Variants in MCTP1 observed in about 807,000 individuals in gnomAD.
The protein encoded by MCTP1 is multiple C2 and transmembrane domain-containing protein 1.
MCTP1 carries 69 observed loss-of-function variants against 120.6 expected under a neutral mutation model. The ratio of observed to expected loss-of-function variants is 0.57; its 90% CI spans 0.47 to 0.70. MCTP1 has a LOEUF of 0.70. Among genes scored for constraint, MCTP1 ranks in the 30% least tolerant of loss-of-function variants. The pLI is 0.00. For synonymous variants in MCTP1, 529 were observed against 493.1 expected, an observed-to-expected ratio of 1.07 and a Z score of -0.96; for missense variants, 1,203 against 1,248.8, an observed-to-expected ratio of 0.96 and a Z score of 0.55.
At chr5:95,225,399 C>T (rs1181978011) in intron 1 of MCTP1, among the ~76,000 whole-genome samples, 2 of 152,116 alleles carry the variant, frequency 1.3e-5, no homozygotes, top group Non-Finnish European at 2.9e-5. Flanking sequence ...TCTCCCAACT[C>T]CAGACAGTAA....
At chr5:95,173,674 A>G (rs1747620468) in intron 1 of MCTP1, among the ~76,000 whole-genome samples, 1 of 152,182 alleles carries the variant, frequency 6.6e-6, no homozygotes, top group East Asian at 1.9e-4. Flanking sequence ...TAGGCAGAAA[A>G]TTTAATCAGT....
At chr5:94,988,973 A>G (rs1830979830) in intron 2 of MCTP1, among the ~76,000 whole-genome samples, 1 of 152,156 alleles carries the variant, frequency 6.6e-6, no homozygotes, top group African/African-American at 2.4e-5. Context: ...CCATGATTCA[A>G]CTATCTCCAC....
intron 17 of MCTP1, among the ~76,000 whole-genome samples, chr5:94,819,099 ATTTATTT>A (rs1180865141): frequency 7.6e-6 from 1 of 130,946 alleles, no homozygotes; most frequent in Non-Finnish European, 1.7e-5. Context: ...TTATTTATTT[ATTTATTT>A]ATTTATTTAT....
intron 8 of MCTP1, among the ~76,000 whole-genome samples, chr5:94,915,919 T>C (rs1172770152): frequency 2.0e-5 from 3 of 152,102 alleles, no homozygotes; most frequent in Admixed American, 6.5e-5. Flanking sequence ...CCAAAACAAC[T>C]TGGGGAGCTA....
chr5:94,731,384 T>A (rs926612382), intron 19 of MCTP1, among the ~76,000 whole-genome samples: 1 of 152,222 alleles, frequency 6.6e-6, no homozygotes, highest in African/African-American at 2.4e-5. Context: ...GTCCTGAATT[T>A]TTTAAGTGTT....
chr5:95,105,558 C>A (rs538111268), intron 1 of MCTP1, among the ~76,000 whole-genome samples: 1 of 152,004 alleles, frequency 6.6e-6, no homozygotes, highest in Non-Finnish European at 1.5e-5. Context: ...CCCCTAGGGA[C>A]TTGGGCTTGG....
chr5:94,773,740 A>T (rs1774625828), intron 19 of MCTP1, among the ~76,000 whole-genome samples: 1 of 151,736 alleles, frequency 6.6e-6, no homozygotes, highest in Non-Finnish European at 1.5e-5. Context: ...GTGCAGGGGA[A>T]CTCCCCTTTA....
intron 17 of MCTP1, among the ~76,000 whole-genome samples, chr5:94,862,058 A>C (rs1795917390): frequency 6.6e-6 from 1 of 151,788 alleles, no homozygotes; most frequent in Admixed American, 6.6e-5. Flanking sequence ...GATATTTGTA[A>C]TTTTTTGACT....
intron 1 of MCTP1, among the ~76,000 whole-genome samples, chr5:95,214,148 G>T (rs1752751298): frequency 6.6e-6 from 1 of 152,368 alleles, no homozygotes; most frequent in South Asian, 2.1e-4. Context: ...AATCTACAAA[G>T]AACTCAAACA....
intron 2 of MCTP1, among the ~76,000 whole-genome samples, chr5:94,962,847 G>C (rs1437526576): frequency 6.6e-6 from 1 of 151,876 alleles, no homozygotes; most frequent in Non-Finnish European, 1.5e-5. Context: ...AATACCATTT[G>C]TTCCCCAAAA....
intron 19 of MCTP1, among the ~76,000 whole-genome samples, chr5:94,742,639 CT>C (rs199581292): frequency 0.12 from 17,796 of 146,838 alleles, 1,174 homozygotes; most frequent in East Asian, 0.19. Flanking sequence ...AAGCCTTTTT[CT>C]TTTTTTTTTT....
intron 2 of MCTP1, among the ~76,000 whole-genome samples, chr5:94,956,075 G>A (rs1230130289): frequency 6.6e-6 from 1 of 152,226 alleles, no homozygotes; most frequent in Non-Finnish European, 1.5e-5. Context: ...GAAGGAGCAG[G>A]CAGCAATCTT....
intron 17 of MCTP1, among the ~76,000 whole-genome samples, chr5:94,832,847 C>T (rs114265231): frequency 4.5e-4 from 69 of 152,260 alleles, no homozygotes; most frequent in African/African-American, 1.5e-3. Flanking sequence ...GCGAAGAGTG[C>T]GCCTAAATAA....
intron 1 of MCTP1, among the ~76,000 whole-genome samples, chr5:95,259,041 A>G (rs1281028089): frequency 6.6e-6 from 1 of 152,194 alleles, no homozygotes; most frequent in Non-Finnish European, 1.5e-5. Context: ...ACAGGGAATA[A>G]CCTATCTACT....
intron 1 of MCTP1, among the ~76,000 whole-genome samples, chr5:95,021,935 TA>T (rs1562030684): frequency 6.6e-6 from 1 of 152,130 alleles, no homozygotes; most frequent in Non-Finnish European, 1.5e-5. Context: ...ACTTGTGCTT[TA>T]AAAAAAGCAC....
At chr5:94,852,851 A>T (rs993697154) in intron 17 of MCTP1, among the ~76,000 whole-genome samples, 2 of 151,926 alleles carry the variant, frequency 1.3e-5, no homozygotes, top group Non-Finnish European at 2.9e-5. Flanking sequence ...TGCAAAACTT[A>T]TTGGTAACAT....
chr5:95,090,530 G>T (rs1052471838), intron 1 of MCTP1, among the ~76,000 whole-genome samples: 3 of 152,198 alleles, frequency 2.0e-5, no homozygotes, highest in Non-Finnish European at 4.4e-5. Flanking sequence ...CAGGTATGCA[G>T]TGCACAGATA....
chr5:95,269,576 TG>T (rs1759194082), intron 1 of MCTP1, among the ~76,000 whole-genome samples: 1 of 152,166 alleles, frequency 6.6e-6, no homozygotes, highest in Non-Finnish European at 1.5e-5. Context: ...TCCAAAACAA[TG>T]GAAAGACCTA....
chr5:95,112,288 G>T (rs2152390509), intron 1 of MCTP1, among the ~76,000 whole-genome samples: 1 of 152,272 alleles, frequency 6.6e-6, no homozygotes, highest in South Asian at 2.1e-4. Flanking sequence ...TAGAACAAAT[G>T]CCCAAGCACT....
Sources: gnomAD v4.1 joint callset for allele counts (sites outside exome capture counted in the v4.1 genomes callset) on GRCh38, gnomAD v4.1.1 for gene constraint, MANE v1.5 for transcripts, NCBI Gene and HGNC (gene_info 2026-07-23, HGNC 2026-07-21) for gene names.